EXT2: variants seen among roughly 807,000 people sequenced by gnomAD.
The protein encoded by EXT2 is exostosin glycosyltransferase 2, also known as exostosin-2.
EXT2 carries 53 observed loss-of-function variants against 81.6 expected under a neutral mutation model. That is an observed-to-expected ratio of 0.65 (90% confidence interval 0.52 to 0.82). The LOEUF (loss-of-function observed/expected upper bound fraction) is 0.82. Ranked by LOEUF, EXT2 falls within the 40% of genes least tolerant of loss-of-function variation. The pLI is 0.00. For synonymous variants in EXT2, 320 were observed against 340.0 expected (o/e 0.94, Z 0.65); for missense variants, 774 against 910.2 (o/e 0.85, Z 1.93).
At position 44,245,760 on chromosome 11, in the gene EXT2, C is replaced by G. The variant is rs56084882; in HGVS notation, c.*1473C>G. On this transcript the variant is annotated 3_prime_UTR_variant, in exon 14 of 14. Coordinates refer to ENST00000533608, the MANE Select transcript of EXT2 (RefSeq NM_207122.2). ...ATGTGTTCCCCAGACTTTGAGAGGT[C>G]AAAGAAAGTTTCAGAAGTAGCAAAG... Among the ~76,000 whole-genome samples the G allele has an allele frequency of 0.029, 4,360 of 152,266 alleles. 133 individuals carry two copies. Among genetic ancestry groups the G allele is most frequent in the Admixed American group, 0.081 (1,239 of 15,294 alleles).
chr11:44,157,824 G>T (rs1954876754), intron 7 of EXT2, among the ~76,000 whole-genome samples: 1 of 152,188 alleles, frequency 6.6e-6, no homozygotes, highest in African/African-American at 2.4e-5. Context: ...CTGTGAATGT[G>T]CTGGGTCATA....
chr11:44,179,885 T>G (rs1955211112), intron 8 of EXT2, among the ~76,000 whole-genome samples: 1 of 152,272 alleles, frequency 6.6e-6, no homozygotes, highest in Middle Eastern at 3.4e-3. Context: ...GTCTCCCAAT[T>G]GATTAATTTT....
rs1278135654 is a variant in EXT2, at chr11:44,251,003, C to A, written c.*6716C>A. Among the ~76,000 whole-genome samples the A allele has an allele frequency of 2.6e-5, 4 of 152,206 alleles. No individual in the cohort carries two copies. Among genetic ancestry groups the A allele is most frequent in the African/African-American group, 7.2e-5 (3 of 41,456 alleles). ...TTTCTCTAGTAGATCATTGGGGGCT[C>A]ACCTTGATCTCCTCTCTTCTGTCTA... is the stretch of plus-strand genomic sequence containing the variant. On this transcript the variant is annotated 3_prime_UTR_variant, in exon 14 of 14. Coordinates refer to ENST00000533608, the MANE Select transcript of EXT2 (RefSeq NM_207122.2).
intron 7 of EXT2, among the ~76,000 whole-genome samples, chr11:44,136,944 G>C (rs1006404576): frequency 1.3e-5 from 2 of 151,992 alleles, no homozygotes; most frequent in African/African-American, 4.8e-5. Flanking sequence ...CCTTGGTAAT[G>C]GGTGTAATCA....
chr11:44,228,132 A>G (rs909601231), intron 10 of EXT2, among the ~76,000 whole-genome samples: 3 of 152,228 alleles, frequency 2.0e-5, no homozygotes, highest in Non-Finnish European at 4.4e-5. Context: ...AGAGTTTTTT[A>G]TAACAGAGAT....
chr11:44,200,606 A>G (rs1955511198), intron 9 of EXT2, among the ~76,000 whole-genome samples: 1 of 152,180 alleles, frequency 6.6e-6, no homozygotes, highest in Non-Finnish European at 1.5e-5. Context: ...GCAACCCAGG[A>G]TGGTCAACAG....
At chr11:44,100,167 G>A (rs2134945577) in intron 1 of EXT2, among the ~76,000 whole-genome samples, 1 of 152,304 alleles carries the variant, frequency 6.6e-6, no homozygotes, top group African/African-American at 2.4e-5. Context: ...GCACCCTTCT[G>A]ACTCCTCTCC....
intron 10 of EXT2, among the ~76,000 whole-genome samples, chr11:44,225,520 C>G (rs1294889079): frequency 1.3e-5 from 2 of 152,204 alleles, no homozygotes; most frequent in Non-Finnish European, 2.9e-5. Context: ...TATTCTGAAT[C>G]TGGTCATTCA....
intron 4 of EXT2, among the ~76,000 whole-genome samples, chr11:44,120,844 A>G (rs529663217): frequency 2.7e-4 from 41 of 152,352 alleles, no homozygotes; most frequent in African/African-American, 9.4e-4. Flanking sequence ...GGGAGTTTAC[A>G]ACTGTTACTA....
intron 7 of EXT2, among the ~76,000 whole-genome samples, chr11:44,155,943 G>A (rs1410245706): frequency 1.3e-5 from 2 of 152,080 alleles, no homozygotes; most frequent in East Asian, 1.9e-4. Context: ...AAATCCCTCA[G>A]CCTTTGTTTG....
At chr11:44,213,098 T>A (rs1256089033) in intron 10 of EXT2, among the ~76,000 whole-genome samples, 1 of 152,010 alleles carries the variant, frequency 6.6e-6, no homozygotes, top group Non-Finnish European at 1.5e-5. Context: ...AAGCAGTGCT[T>A]ATGGGAAAGT....
chr11:44,228,314 C>T (rs371145523), intron 10 of EXT2, among the ~76,000 whole-genome samples: 24 of 152,272 alleles, frequency 1.6e-4, no homozygotes, highest in Non-Finnish European at 1.8e-4. Flanking sequence ...GCCCACACCA[C>T]AATATATAAA....
chr11:44,237,022 C>G (rs1166812208), intron 13 of EXT2, among the ~76,000 whole-genome samples: 1 of 152,168 alleles, frequency 6.6e-6, no homozygotes, highest in Non-Finnish European at 1.5e-5. Context: ...CTCACTTGTG[C>G]CCCAAAAGTC....
intron 7 of EXT2, among the ~76,000 whole-genome samples, chr11:44,165,968 A>G (rs1954988923): frequency 6.6e-6 from 1 of 152,204 alleles, no homozygotes; most frequent in African/African-American, 2.4e-5. Context: ...TAGTTTCCTC[A>G]TTTATAAAAT....
At chr11:44,201,530 A>G (rs1415638292) in intron 9 of EXT2, among the ~76,000 whole-genome samples, 1 of 152,188 alleles carries the variant, frequency 6.6e-6, no homozygotes, top group Non-Finnish European at 1.5e-5. Flanking sequence ...ATCAGCACAG[A>G]TCTTTCTAGA....
At chr11:44,238,744 G>C (rs1297496518) in intron 13 of EXT2, among the ~76,000 whole-genome samples, 2 of 152,172 alleles carry the variant, frequency 1.3e-5, no homozygotes, top group Non-Finnish European at 2.9e-5. Flanking sequence ...ATCCCAACTA[G>C]TAAAACCCTG....
In EXT2 at chr11:44,247,467, G is replaced by A. The variant is rs1394263607; in HGVS notation, c.*3180G>A. ...GGGTTTCACCACGTTAGCCAGGCTGGTCTCGAACTCCTGACCTCAGGTGAT... is the reference window on the plus strand; with the variant it reads ...GGGTTTCACCACGTTAGCCAGGCTGATCTCGAACTCCTGACCTCAGGTGAT... On this transcript the variant is annotated 3_prime_UTR_variant, in exon 14 of 14. Coordinates refer to ENST00000533608, the MANE Select transcript of EXT2 (RefSeq NM_207122.2). 6.6e-6 allele frequency among the ~76,000 whole-genome samples: 1 copy of A among 152,152 alleles called. No individual in the cohort carries two copies. Among genetic ancestry groups the A allele is most frequent in the Non-Finnish European group, 1.5e-5 (1 of 68,012 alleles).
intron 1 of EXT2, among the ~76,000 whole-genome samples, chr11:44,107,474 T>C (rs1226737552): frequency 6.6e-6 from 1 of 152,062 alleles, no homozygotes; most frequent in African/African-American, 2.4e-5. Context: ...TCACAGTTAC[T>C]TGGGAGGCCA....
chr11:44,244,225 G>A lies in EXT2; in HGVS notation c.2095G>A (p.Val699Ile). The change falls in exon 14 of 14, where the codon GTC becomes ATC. Residue 699 changes from valine (V) to isoleucine (I), a missense_variant. Coordinates refer to ENST00000533608, the MANE Select transcript of EXT2 (RefSeq NM_207122.2). ...LKVVEHRADP[V>I]LYKDDFPEKL... Reference sequence around the variant, plus strand: ...GGTGGTGGAACACCGAGCTGACCCTGTCCTGTACAAAGATGACTTTCCTGA... The same window carrying A: ...GGTGGTGGAACACCGAGCTGACCCTATCCTGTACAAAGATGACTTTCCTGA... The A allele has an allele frequency of 6.2e-7, 1 of 1,614,060 alleles. No individual in the cohort carries two copies. The highest frequency in any genetic ancestry group is 8.5e-7 in the Non-Finnish European group (1 of 1,179,962).
Sources: gnomAD v4.1 joint callset for allele counts (sites outside exome capture counted in the v4.1 genomes callset) on GRCh38, gnomAD v4.1.1 for gene constraint, MANE v1.5 for transcripts, NCBI Gene and HGNC (gene_info 2026-07-23, HGNC 2026-07-21) for gene names.